Variants in MEIKIN observed in about 807,000 individuals in gnomAD.
MEIKIN encodes the protein meiosis-specific kinetochore protein.
At chr5:131,826,086 C>CT (rs35951729) in intron 11 of MEIKIN, among the ~76,000 whole-genome samples, 1,808 of 124,960 alleles carry the variant, frequency 0.014, 23 homozygotes, top group African/African-American at 0.028. Flanking sequence ...TTCTTGTTTT[C>CT]TTTTTTTTTT....
At chr5:131,830,300 G>A (rs1749693301) in intron 11 of MEIKIN, among the ~76,000 whole-genome samples, 1 of 152,210 alleles carries the variant, frequency 6.6e-6, no homozygotes, top group Non-Finnish European at 1.5e-5. Flanking sequence ...GGGAGGCTGA[G>A]GCGAGAGGAT....
At chr5:131,899,759 A>C (rs944600005) in intron 8 of MEIKIN, among the ~76,000 whole-genome samples, 1 of 152,178 alleles carries the variant, frequency 6.6e-6, no homozygotes. Flanking sequence ...TCAATTCAGC[A>C]AGAAGATGTA....
intron 8 of MEIKIN, among the ~76,000 whole-genome samples, chr5:131,885,900 A>T (rs946485931): frequency 2.6e-5 from 4 of 152,254 alleles, no homozygotes; most frequent in African/African-American, 4.8e-5. Flanking sequence ...GAGGAAATTC[A>T]AAGAAATTTA....
At chr5:131,900,149 AT>A (rs964047769) in intron 8 of MEIKIN, among the ~76,000 whole-genome samples, 3 of 152,226 alleles carry the variant, frequency 2.0e-5, no homozygotes, top group African/African-American at 7.2e-5. Context: ...TCTGACCACA[AT>A]GAAATAAAAC....
At chr5:131,873,786 C>G (rs1357889333) in intron 9 of MEIKIN, among the ~76,000 whole-genome samples, 1 of 152,146 alleles carries the variant, frequency 6.6e-6, no homozygotes, top group Non-Finnish European at 1.5e-5. Flanking sequence ...GAAATTATAA[C>G]AAACTGTCTC....
chr5:131,915,485 C>G (rs562522975), intron 7 of MEIKIN, among the ~76,000 whole-genome samples: 69 of 152,268 alleles, frequency 4.5e-4, no homozygotes, highest in Non-Finnish European at 7.1e-4. Context: ...GCCCCTATTC[C>G]TAAACACTTA....
intron 8 of MEIKIN, among the ~76,000 whole-genome samples, chr5:131,879,466 C>G (rs1336300869): frequency 6.6e-6 from 1 of 152,068 alleles, no homozygotes; most frequent in Non-Finnish European, 1.5e-5. Flanking sequence ...AAAAATTGTA[C>G]AGTGGCGAAG....
chr5:131,915,910 C>T (rs1040118961), intron 7 of MEIKIN, among the ~76,000 whole-genome samples: 15 of 152,116 alleles, frequency 9.9e-5, no homozygotes, highest in African/African-American at 3.6e-4. Flanking sequence ...GTCTCAGATA[C>T]ACATAATCAA....
intron 8 of MEIKIN, among the ~76,000 whole-genome samples, chr5:131,887,174 T>C (rs1482042571): frequency 2.6e-5 from 4 of 152,258 alleles, no homozygotes; most frequent in African/African-American, 7.2e-5. Context: ...TACTTTTTTA[T>C]GGCTGCACAG....
At chr5:131,865,507 C>T (rs1256516196) in intron 9 of MEIKIN, among the ~76,000 whole-genome samples, 3 of 152,246 alleles carry the variant, frequency 2.0e-5, no homozygotes, top group Admixed American at 6.5e-5. Flanking sequence ...GCATGAGCCA[C>T]TGCACCCGGC....
chr5:131,828,488 T>C (rs923376562), intron 11 of MEIKIN, among the ~76,000 whole-genome samples: 1 of 152,018 alleles, frequency 6.6e-6, no homozygotes, highest in South Asian at 2.1e-4. Flanking sequence ...GAAGATAAAA[T>C]TGAGGAAATC....
chr5:131,845,030 G>T (rs918908181), intron 11 of MEIKIN, among the ~76,000 whole-genome samples: 7 of 152,124 alleles, frequency 4.6e-5, no homozygotes, highest in Admixed American at 3.9e-4. Flanking sequence ...CAGCACTTTG[G>T]GAGGCCGAGG....
In MEIKIN at chr5:131,901,797, G is replaced by C. The variant is rs558970605; in HGVS notation, c.703+10018C>G. On this transcript the variant is annotated intron_variant, in intron 8 of 12. Transcript: ENST00000442687. The stretch of plus-strand genomic sequence containing the variant: ...TGACTGAACCCACCTTATACAACAA[G>C]AAAACCCCCAAGGATATCAAACAGG... 7.9e-5 allele frequency among the ~76,000 whole-genome samples: 12 copies of C among 151,958 alleles called. No individual in the cohort carries two copies. In the South Asian group the frequency reaches 2.1e-3, roughly 26 times the overall value.
intron 9 of MEIKIN, among the ~76,000 whole-genome samples, chr5:131,871,972 G>C (rs1005069656): frequency 6.6e-6 from 1 of 152,118 alleles, no homozygotes; most frequent in African/African-American, 2.4e-5. Flanking sequence ...AAACAGGAAG[G>C]ACATCCACCC....
chr5:131,885,709 G>C (rs974126705), intron 8 of MEIKIN, among the ~76,000 whole-genome samples: 1 of 152,112 alleles, frequency 6.6e-6, no homozygotes, highest in Non-Finnish European at 1.5e-5. Flanking sequence ...ACTCTTCAGA[G>C]TCCAGACACC....
chr5:131,938,438 G>A (rs562940915), intron 4 of MEIKIN, among the ~76,000 whole-genome samples: 2 of 152,188 alleles, frequency 1.3e-5, no homozygotes, highest in East Asian at 3.9e-4. Flanking sequence ...AAAGTGCTAG[G>A]ATTACAGGGG....
intron 8 of MEIKIN, 103 bp from the exon 9 acceptor site, chr5:131,879,151 T>C (rs538642181): frequency 9.8e-4 from 385 of 393,864 alleles, no homozygotes; most frequent in Non-Finnish European, 1.5e-3. Flanking sequence ...AAATAATATT[T>C]GTAAAACCCC....
chr5:131,887,208 C>T (rs1343433494), intron 8 of MEIKIN, among the ~76,000 whole-genome samples: 1 of 152,018 alleles, frequency 6.6e-6, no homozygotes, highest in Non-Finnish European at 1.5e-5. Context: ...ATATGTGCCA[C>T]ATTTTCTTAA....
intron 12 of MEIKIN, among the ~76,000 whole-genome samples, chr5:131,816,942 G>A (rs775458429): frequency 6.6e-6 from 1 of 152,212 alleles, no homozygotes; most frequent in Non-Finnish European, 1.5e-5. Flanking sequence ...TTATTTCTGA[G>A]TAGATCTGTT....
Sources: allele counts gnomAD v4.1 joint callset (sites outside exome capture counted in the v4.1 genomes callset), GRCh38; gene constraint gnomAD v4.1.1; transcripts MANE v1.5; gene names NCBI Gene and HGNC (gene_info 2026-07-23, HGNC 2026-07-21).